Variants in IGF2R observed in about 807,000 individuals in gnomAD.
IGF2R encodes the protein insulin like growth factor 2 receptor.
A neutral mutation model predicts 270.6 loss-of-function variants in IGF2R; 91 were observed. The observed-to-expected ratio is 0.34, with a 90% CI of 0.28 to 0.40. The LOEUF (loss-of-function observed/expected upper bound fraction) is 0.40, where lower values mean the gene tolerates loss of function less well. Ranked by LOEUF, IGF2R falls within the 10% of genes least tolerant of loss-of-function variation. IGF2R has a pLI of 1.00. For missense variants in IGF2R, 2,805 were observed against 3,188.3 expected, an observed-to-expected ratio of 0.88 and a Z score of 2.90; for synonymous variants, 1,316 against 1,258.9, an observed-to-expected ratio of 1.05 and a Z score of -0.96.
chr6:160,048,227 T>C (rs943280869), intron 17 of IGF2R, 148 bp from the exon 18 acceptor site: 1 of 758,032 alleles, frequency 1.3e-6, no homozygotes, highest in Non-Finnish European at 2.3e-6. Context: ...TCCTGGTGCG[T>C]CATGCGCCCA....
chr6:160,064,714 C>T (rs1366543319), intron 28 of IGF2R, 90 bp from the exon 29 acceptor site: 1 of 1,122,508 alleles, frequency 8.9e-7, no homozygotes, highest in Non-Finnish European at 1.3e-6. Context: ...TGAACGTAAC[C>T]ATTCTTTACT....
chr6:160,090,549 G>C (rs779364635), intron 44 of IGF2R, among the ~76,000 whole-genome samples: 1 of 152,220 alleles, frequency 6.6e-6, no homozygotes, highest in African/African-American at 2.4e-5. Flanking sequence ...CAACCAGGAC[G>C]CACATAGGGC....
At chr6:160,018,361 C>T (rs1777352289) in intron 4 of IGF2R, among the ~76,000 whole-genome samples, 1 of 152,094 alleles carries the variant, frequency 6.6e-6, no homozygotes, top group Non-Finnish European at 1.5e-5. Flanking sequence ...CATAAAACAA[C>T]TGCTGGTAGA....
intron 4 of IGF2R, among the ~76,000 whole-genome samples, chr6:160,015,547 A>G (rs533219307): frequency 3.6e-4 from 54 of 151,942 alleles, no homozygotes; most frequent in African/African-American, 1.2e-3. Context: ...GGGTGCTCCT[A>G]CTTCATGAAA....
intron 29 of IGF2R, 80 bp from the exon 30 acceptor site, chr6:160,068,169 T>G: frequency 6.6e-7 from 1 of 1,516,936 alleles, no homozygotes; most frequent in Non-Finnish European, 9.0e-7. Flanking sequence ...CCTGAATACT[T>G]GAACGTTTCT....
At chr6:160,021,448 T>TG (rs1228723223) in intron 4 of IGF2R, among the ~76,000 whole-genome samples, 1 of 69,138 alleles carries the variant, frequency 1.4e-5, no homozygotes, top group Non-Finnish European at 2.6e-5. Context: ...TGTTGTGGGG[T>TG]GGGGGGCGGG....
intron 24 of IGF2R, 49 bp from the exon 25 acceptor site, chr6:160,061,704 C>G (rs781548751): frequency 1.9e-6 from 3 of 1,613,408 alleles, no homozygotes; most frequent in Non-Finnish European, 2.5e-6. Context: ...GCATTTGACT[C>G]AAGGTCATCG....
Position 160,024,673 on chromosome 6 carries a change from T to C in IGF2R, c.615T>C (p.Thr205=), listed in dbSNP as rs370847996. ...TGGTGGATGACTCCGATCCGGACAC[T>C]TCTCTATTCATCAATGTTTGTAGAG... ...AYLVDDSDPD[T]SLFINVCRDI... is the part of the protein sequence containing the mutation. Residue 205 remains threonine (T), a synonymous_variant, in exon 5 of 48, where the codon ACT becomes ACC. Transcript: ENST00000356956. 32 of 1,614,050 alleles carry C rather than the reference T, an allele frequency of 2.0e-5. No individual in the cohort carries two copies. Among genetic ancestry groups the C allele is most frequent in the South Asian group, 8.8e-5 (8 of 91,092 alleles).
chr6:159,972,970 AGTTAATG>A (rs1783633256), intron 1 of IGF2R, among the ~76,000 whole-genome samples: 1 of 152,186 alleles, frequency 6.6e-6, no homozygotes, highest in South Asian at 2.1e-4. Context: ...CTGAGTTAGA[AGTTAATG>A]ATTCTTATGC....
intron 41 of IGF2R, among the ~76,000 whole-genome samples, chr6:160,086,028 T>C (rs1407412103): frequency 6.6e-6 from 1 of 152,224 alleles, no homozygotes; most frequent in Non-Finnish European, 1.5e-5. Context: ...AATCTTGCAG[T>C]ATATATGGAT....
At chr6:160,010,927 TTTTTAAAAC>T (rs1334525840) in intron 4 of IGF2R, 142 bp downstream of exon 4, 34 of 577,358 alleles carry the variant, frequency 5.9e-5, no homozygotes, top group Non-Finnish European at 8.1e-5. Context: ...TGTGATTTAA[TTTTTAAAAC>T]TTTTCTGAGT....
chr6:160,106,408 CCT>C lies in IGF2R; in HGVS notation c.*1326_*1327del, dbSNP rs1426711256. ...GAGAAGCAAACCGCCCTGCAGCATC[CCT>C]CAGCCTGTACCGGTTTGGCTGGCTT... On this transcript the variant is annotated 3_prime_UTR_variant, in exon 48 of 48. Coordinates refer to ENST00000356956, the MANE Select transcript of IGF2R (RefSeq NM_000876.4). 20 of 152,608 alleles carry C rather than the reference CCT, an allele frequency of 1.3e-4. No individual in the cohort carries two copies. Among genetic ancestry groups the C allele is most frequent in the Admixed American group, 6.5e-4 (10 of 15,286 alleles). 9.5% of individuals were successfully genotyped at this position (152,608 alleles called of 1,614,324 possible). A position where few individuals can be genotyped will look rare whatever the true frequency, so the allele number is the denominator to read the frequency against.
At chr6:160,088,329 C>T (rs1779141586) in intron 42 of IGF2R, among the ~76,000 whole-genome samples, 182 bp downstream of exon 42, 1 of 152,212 alleles carries the variant, frequency 6.6e-6, no homozygotes, top group Admixed American at 6.5e-5. Flanking sequence ...AGTGCTGAGA[C>T]ACTGTTACAA....
intron 2 of IGF2R, chr6:160,007,226 T>C (rs1387194959): frequency 6.6e-6 from 1 of 152,210 alleles, no homozygotes; most frequent in Admixed American, 6.5e-5. Context: ...ATGTGCATGG[T>C]TTTCTCTTTT....
At chr6:160,005,348 C>T (rs1046299629) in intron 2 of IGF2R, 1 of 152,342 alleles carries the variant, frequency 6.6e-6, no homozygotes, top group African/African-American at 2.4e-5. Flanking sequence ...TGACTGGGGG[C>T]CTGGCGTGGT....
intron 47 of IGF2R, among the ~76,000 whole-genome samples, chr6:160,104,329 C>T (rs1317907093): frequency 1.6e-4 from 24 of 151,944 alleles, no homozygotes; most frequent in Non-Finnish European, 1.5e-5. Flanking sequence ...CGGAAGAGCC[C>T]CTTCTCCCCC....
intron 45 of IGF2R, among the ~76,000 whole-genome samples, chr6:160,098,457 G>C (rs778105232): frequency 5.9e-5 from 9 of 152,174 alleles, no homozygotes; most frequent in Non-Finnish European, 1.2e-4. Flanking sequence ...GTACCACCCG[G>C]GGGTGACGTG....
At position 160,061,833 on chromosome 6, in the gene IGF2R, G is replaced by A; in HGVS notation, c.3487G>A (p.Ala1163Thr). 6.2e-7 allele frequency: 1 copy of A among 1,614,156 alleles called. No individual in the cohort carries two copies. ...GGTGCAGATGAGTCCCCAAGCCGCG[G>A]CGAATGGATCTTTGAGCATCATGTA... ...GVVQMSPQAA[A>T]NGSLSIMYVN... Residue 1163 changes from alanine (A) to threonine (T), a missense_variant, in exon 25 of 48, where the codon GCG becomes ACG. Physicochemically the swap from Ala to Thr is moderately conservative, Grantham distance 58. This residue lies in a region of IGF2R where 1,851 missense variants were observed against 2,207.2 expected (regional missense o/e 0.84). Transcript: ENST00000356956.
In IGF2R at chr6:160,110,354, A is replaced by AG. The variant is rs1384725753; in HGVS notation, c.*5273dup. The stretch of plus-strand genomic sequence containing the variant: ...AAAATGCTCAGCATCGCTGATCATC[A>AG]GGGAAATGCACATCATAAACACAGT... On this transcript the variant is annotated 3_prime_UTR_variant, in exon 48 of 48. Coordinates refer to ENST00000356956, the MANE Select transcript of IGF2R (RefSeq NM_000876.4). 6.6e-6 allele frequency: 1 copy of AG among 152,270 alleles called. No homozygotes were observed. Among genetic ancestry groups the AG allele is most frequent in the Non-Finnish European group, 1.5e-5 (1 of 68,044 alleles). 9.4% of individuals were successfully genotyped at this position (152,270 alleles called of 1,614,324 possible).
Sources: gnomAD v4.1 joint callset for allele counts (sites outside exome capture counted in the v4.1 genomes callset) on GRCh38, gnomAD v4.1.1 for gene constraint, gnomAD v4.1.1 regional missense constraint, MANE v1.5 for transcripts, NCBI Gene and HGNC (gene_info 2026-07-23, HGNC 2026-07-21) for gene names.